The following MAN1C1 variants were observed in gnomAD, a reference collection of about 807,000 sequenced individuals.
The protein encoded by MAN1C1 is mannosidase alpha class 1C member 1.
MAN1C1 carries 49 observed loss-of-function variants against 71.5 expected under a neutral mutation model. The ratio of observed to expected loss-of-function variants is 0.69; its 90% CI spans 0.54 to 0.87. The LOEUF is 0.87. Ranked by LOEUF, MAN1C1 falls within the 40% of genes least tolerant of loss-of-function variation. MAN1C1 has a pLI of 0.00. For synonymous variants in MAN1C1, 352 were observed against 343.7 expected, an observed-to-expected ratio of 1.02 and a Z score of -0.27; for missense variants, 743 against 835.0, an observed-to-expected ratio of 0.89 and a Z score of 1.36.
rs764100986 is a variant in MAN1C1 at position 25,727,161 on chromosome 1, C to T, written c.638-19507C>T. 3.3e-5 allele frequency among the ~76,000 whole-genome samples: 5 copies of T among 152,186 alleles called. No individual in the cohort carries two copies. In the East Asian group the frequency reaches 5.8e-4, roughly 18 times the overall value. ...CTGCTAGACCCAGCTCAGATTACTA[C>T]CCAGTGGACTAGCTGGATGACCTTA... On this transcript the variant is annotated intron_variant, in intron 2 of 11. Transcript: ENST00000374332.
Position 25,778,094 on chromosome 1 carries a change from C to A in MAN1C1, c.1258-11C>A. The A allele has an allele frequency of 6.5e-7, 1 of 1,538,182 alleles. No homozygotes were observed. The stretch of plus-strand genomic sequence containing the variant: ...CCCCTTCTCCCTGCCCAATCCCCAC[C>A]TTGCTCCCAGGCGATAGAGACCTAC... On this transcript the variant is annotated splice_polypyrimidine_tract_variant and intron_variant, in intron 8 of 11. Coordinates refer to ENST00000374332, the MANE Select transcript of MAN1C1 (RefSeq NM_020379.4). This position sits in a 1 kb window ranked among gnomAD's most constrained non-coding sequence, Gnocchi z 5.5.
intron 1 of MAN1C1, among the ~76,000 whole-genome samples, chr1:25,684,094 A>T (rs941408553): frequency 6.6e-6 from 1 of 151,768 alleles, no homozygotes; most frequent in Non-Finnish European, 1.5e-5. Flanking sequence ...AGGTAGGGGG[A>T]ATTTTCAGGG....
chr1:25,636,420 TATTA>T (rs907100395), intron 1 of MAN1C1, among the ~76,000 whole-genome samples: 4 of 152,118 alleles, frequency 2.6e-5, no homozygotes, highest in Admixed American at 6.5e-5. Flanking sequence ...TTCCCCAGGG[TATTA>T]ATTATTAATA....
At chr1:25,645,343 C>CCAG (rs897896163) in intron 1 of MAN1C1, 10 of 152,352 alleles carry the variant, frequency 6.6e-5, no homozygotes, top group African/African-American at 2.2e-4. Flanking sequence ...CTGTCCTGTG[C>CCAG]CTCTTCTCTT....
chr1:25,748,748 G>A (rs892566798), intron 3 of MAN1C1, among the ~76,000 whole-genome samples: 4 of 152,224 alleles, frequency 2.6e-5, no homozygotes, highest in Non-Finnish European at 5.9e-5. Flanking sequence ...AGAAACTGCT[G>A]TTCACTGAAT....
At position 25,769,349 on chromosome 1, in the gene MAN1C1, T is replaced by A. The variant is rs147807645; in HGVS notation, c.1142-2308T>A. On this transcript the variant is annotated intron_variant, in intron 7 of 11. Transcript: ENST00000374332. The surrounding 1 kb of genome is among the most constrained non-coding windows in gnomAD (Gnocchi z 4.8). ...CACCTACATACACCACACACATTCA[T>A]TCACCACACATACACACTCACCCCA... 1.0e-3 allele frequency among the ~76,000 whole-genome samples: 149 copies of A among 147,832 alleles called. 2 individuals are homozygous for A. The highest frequency in any genetic ancestry group is 3.4e-3 in the African/African-American group (133 of 39,508).
At chr1:25,689,027 G>A (rs2046271529) in intron 2 of MAN1C1, among the ~76,000 whole-genome samples, 1 of 152,218 alleles carries the variant, frequency 6.6e-6, no homozygotes, top group Non-Finnish European at 1.5e-5. Context: ...TGGGTGGCTG[G>A]CACCTGGGAA....
At chr1:25,702,929 C>T (rs1218142765) in intron 2 of MAN1C1, among the ~76,000 whole-genome samples, 1 of 152,202 alleles carries the variant, frequency 6.6e-6, no homozygotes, top group Non-Finnish European at 1.5e-5. Context: ...GACTCAGACT[C>T]TGTGAATTGA....
intron 7 of MAN1C1, among the ~76,000 whole-genome samples, chr1:25,770,934 C>T (rs567956971): frequency 6.6e-6 from 1 of 152,156 alleles, no homozygotes; most frequent in Non-Finnish European, 1.5e-5. Flanking sequence ...AGCCTGGGAG[C>T]GAAGTGTTTT....
chr1:25,731,556 A>G (rs762547710), intron 2 of MAN1C1, among the ~76,000 whole-genome samples: 4 of 152,216 alleles, frequency 2.6e-5, no homozygotes, highest in Non-Finnish European at 4.4e-5. Context: ...TAATAGGACA[A>G]TTATGATTTT....
At chr1:25,771,531 G>A (rs1158789575) in intron 7 of MAN1C1, 126 bp from the exon 8 acceptor site, 1 of 682,224 alleles carries the variant, frequency 1.5e-6, no homozygotes, top group Non-Finnish European at 2.6e-6. Flanking sequence ...GGTGGCTGCT[G>A]GCGAGATGCC....
chr1:25,617,348 A>C lies in MAN1C1; in HGVS notation c.-450A>C, dbSNP rs1333781686. 1 of 151,232 alleles carries C rather than the reference A, an allele frequency of 6.6e-6. No homozygotes were observed. The highest frequency in any genetic ancestry group is 1.5e-5 in the Non-Finnish European group (1 of 67,854). The allele number at this position is 151,232 out of a possible 1,614,324, so 9.4% of individuals were successfully genotyped here. On this transcript the variant is annotated 5_prime_UTR_variant, in exon 1 of 12. Transcript: ENST00000374332. This position sits in a 1 kb window ranked among gnomAD's most constrained non-coding sequence, Gnocchi z 5.1. Reference sequence around the variant, plus strand: ...GAAGCTGAAACTTTGGGCGCCTACCAGCGCGGGCGGGAGCCTAGGGGGCGG... The same window carrying C: ...GAAGCTGAAACTTTGGGCGCCTACCCGCGCGGGCGGGAGCCTAGGGGGCGG...
At chr1:25,766,751 C>A (rs1328415190) in intron 7 of MAN1C1, among the ~76,000 whole-genome samples, 1 of 152,106 alleles carries the variant, frequency 6.6e-6, no homozygotes, top group Non-Finnish European at 1.5e-5. Context: ...GTCACCAGCC[C>A]CTCGGTGCGG....
intron 1 of MAN1C1, among the ~76,000 whole-genome samples, chr1:25,676,833 A>G (rs1470395739): frequency 6.6e-6 from 1 of 152,116 alleles, no homozygotes; most frequent in Admixed American, 6.5e-5. Context: ...GTGGGGGAGA[A>G]TGTCTCAATA....
intron 1 of MAN1C1, among the ~76,000 whole-genome samples, chr1:25,626,245 T>C (rs968056140): frequency 1.1e-4 from 16 of 152,368 alleles, no homozygotes; most frequent in African/African-American, 3.4e-4. Context: ...ACACTTGTTA[T>C]TGTCAGCCTT....
chr1:25,695,980 T>C (rs1381864014), intron 2 of MAN1C1, among the ~76,000 whole-genome samples: 2 of 152,228 alleles, frequency 1.3e-5, no homozygotes, highest in African/African-American at 4.8e-5. Flanking sequence ...TGGGCTGGTC[T>C]TCTTGGAATC....
At chr1:25,659,293 T>A (rs1325209635) in intron 1 of MAN1C1, among the ~76,000 whole-genome samples, 1 of 152,230 alleles carries the variant, frequency 6.6e-6, no homozygotes, top group East Asian at 1.9e-4. Context: ...CAGCCTTGGC[T>A]CTGCCCCCGA....
At chr1:25,621,106 C>G (rs143570023) in intron 1 of MAN1C1, among the ~76,000 whole-genome samples, 15 of 152,346 alleles carry the variant, frequency 9.8e-5, no homozygotes, top group African/African-American at 3.6e-4. Context: ...GGAGAATAAG[C>G]TGGTTATAGA....
intron 1 of MAN1C1, among the ~76,000 whole-genome samples, chr1:25,671,252 T>G (rs954623216): frequency 6.6e-6 from 1 of 152,170 alleles, no homozygotes; most frequent in Non-Finnish European, 1.5e-5. Context: ...TGTTGTAAAA[T>G]AAGGATACGG....
Sources: allele counts gnomAD v4.1 joint callset (sites outside exome capture counted in the v4.1 genomes callset), GRCh38; gene constraint gnomAD v4.1.1; non-coding constraint Gnocchi (gnomAD v3.1); transcripts MANE v1.5; gene names NCBI Gene and HGNC (gene_info 2026-07-23, HGNC 2026-07-21).